The following CREB3L2 variants were observed in gnomAD, a reference collection of about 807,000 sequenced individuals.
CREB3L2 encodes the protein cyclic AMP-responsive element-binding protein 3-like protein 2.
Under a neutral mutation model 57.2 loss-of-function variants are expected in CREB3L2, and 23 were observed. That is an observed-to-expected ratio of 0.40 (90% CI 0.29 to 0.57). The LOEUF (loss-of-function observed/expected upper bound fraction) is 0.57, where lower values mean the gene tolerates loss of function less well. Among genes scored for constraint, CREB3L2 ranks in the 20% least tolerant of loss-of-function variants. The probability of loss-of-function intolerance (pLI) is 0.42; values close to 1 mark genes in which losing one functional copy is unlikely to be tolerated. For synonymous variants in CREB3L2, 268 were observed against 265.1 expected (o/e 1.01, Z -0.11); for missense variants, 628 against 634.7 (o/e 0.99, Z 0.11).
chr7:137,910,716 C>T (rs1383319269), intron 4 of CREB3L2, among the ~76,000 whole-genome samples: 1 of 152,080 alleles, frequency 6.6e-6, no homozygotes, highest in African/African-American at 2.4e-5. Context: ...TTCTCCCGTC[C>T]AAGCAGAGGG....
chr7:137,892,426 G>A (rs766627131), intron 8 of CREB3L2, among the ~76,000 whole-genome samples: 5 of 151,740 alleles, frequency 3.3e-5, no homozygotes, highest in Admixed American at 1.3e-4. Context: ...TGAGGTGAGC[G>A]GATCACTTGA....
In CREB3L2 at chr7:138,001,683, T is replaced by C. The variant is rs780446619; in HGVS notation, c.23A>G (p.Glu8Gly). 3.1e-5 allele frequency: 50 copies of C among 1,611,796 alleles called. 1 individual carries two copies. In the South Asian group the frequency reaches 4.3e-4, roughly 14 times the overall value. ...GCGGTCCCACTGCAGCACGCCCTGC[T>C]CCCCGCTCTCCAGCACCTCCATGGC... MEVLESG[E>G]QGVLQWDRKL... The change falls in exon 1 of 12, where the codon GAG becomes GGG. Residue 8 changes from glutamate (E) to glycine (G), a missense_variant. Glu to Gly is a moderately conservative substitution (Grantham distance 98). Transcript: ENST00000330387. The surrounding 1 kb of genome is among the most constrained non-coding windows in gnomAD (Gnocchi z 4.2).
chr7:137,911,943 T>TA (rs1350650556), intron 4 of CREB3L2, among the ~76,000 whole-genome samples: 1 of 152,180 alleles, frequency 6.6e-6, no homozygotes, highest in African/African-American at 2.4e-5. Flanking sequence ...AGAATCTGCA[T>TA]ACGCAAGGCA....
intron 1 of CREB3L2, among the ~76,000 whole-genome samples, chr7:137,974,323 T>C (rs546136308): frequency 6.6e-6 from 1 of 151,216 alleles, no homozygotes; most frequent in Non-Finnish European, 1.5e-5. Flanking sequence ...GCAGGAAGAG[T>C]TTCCTTAAGG....
chr7:137,882,673 G>T, intron 10 of CREB3L2, 45 bp from the exon 11 acceptor site: 2 of 1,377,924 alleles, frequency 1.5e-6, no homozygotes, highest in South Asian at 1.4e-5. Flanking sequence ...AAGACCACAG[G>T]GGTCCAACAC....
intron 1 of CREB3L2, among the ~76,000 whole-genome samples, chr7:137,968,316 T>C (rs143571148): frequency 6.6e-6 from 1 of 152,084 alleles, no homozygotes; most frequent in East Asian, 1.9e-4. Context: ...ACCCATTAAG[T>C]TGTCATTTAC....
At chr7:137,909,290 G>A (rs890304381) in intron 4 of CREB3L2, among the ~76,000 whole-genome samples, 58 of 152,288 alleles carry the variant, frequency 3.8e-4, no homozygotes, top group African/African-American at 1.2e-3. Context: ...AGTCTCCCGC[G>A]TCTTTCCTCA....
At position 137,882,509 on chromosome 7, in the gene CREB3L2, C is replaced by G; in HGVS notation, c.1390G>C (p.Gly464Arg). 1.9e-6 allele frequency: 3 copies of G among 1,614,100 alleles called. No individual in the cohort carries two copies. The highest frequency in any genetic ancestry group is 2.5e-6 in the Non-Finnish European group (3 of 1,179,968). ...DRGSSLLRVS[G>R]LESRPDVDLP... The stretch of plus-strand genomic sequence containing the variant: ...TCCACATCCGGCCTGGACTCCAGCC[C>G]TGACACCCTGAGCAGGGAGGAACCT... The change falls in exon 11 of 12, where the codon GGG (glycine) becomes CGG (arginine). Residue 464 changes from glycine to arginine, a missense_variant. Physicochemically the swap from Gly to Arg is moderately radical, Grantham distance 125. Coordinates refer to ENST00000330387, the MANE Select transcript of CREB3L2 (RefSeq NM_194071.4).
chr7:137,882,394 T>C lies in CREB3L2; in HGVS notation c.1487+18A>G. On this transcript the variant is annotated intron_variant, in intron 11 of 11. Transcript: ENST00000330387. ...ATCAGTGCACTAGAGGAGTTGGCTC[T>C]GTGTCTCTATGACTCACAGGTGCTG... The C allele has an allele frequency of 6.3e-7, 1 of 1,597,780 alleles. No homozygotes were observed. The highest frequency in any genetic ancestry group is 8.6e-7 in the Non-Finnish European group (1 of 1,167,566).
chr7:137,972,702 A>AACAAC lies in CREB3L2; in HGVS notation c.102+28901_102+28902insGTTGT, dbSNP rs1585668553. Among the ~76,000 whole-genome samples, 91 of 40,980 alleles carry AACAAC rather than the reference A, an allele frequency of 2.2e-3. 1 individual carries two copies. Among genetic ancestry groups the AACAAC allele is most frequent in the African/African-American group, 0.01 (64 of 6,324 alleles). 26.9% of individuals were successfully genotyped at this position (40,980 alleles called of 152,430 possible). ...GTCTCTACAAAAAAAAAAAAAAAAA[A>AACAAC]AAAAAAAAAAATATATATATATATA... is the stretch of plus-strand genomic sequence containing the variant. On this transcript the variant is annotated intron_variant, in intron 1 of 11. Transcript: ENST00000330387.
At chr7:137,903,887 C>T (rs1465549908) in intron 7 of CREB3L2, 72 bp downstream of exon 7, 1 of 1,307,180 alleles carries the variant, frequency 7.7e-7, no homozygotes, top group African/African-American at 1.5e-5. Flanking sequence ...CTGCTTCTCC[C>T]CGATTCTCCG....
At chr7:137,882,706 G>A (rs1799323695) in intron 10 of CREB3L2, 78 bp from the exon 11 acceptor site, 1 of 998,294 alleles carries the variant, frequency 1.0e-6, no homozygotes, top group Non-Finnish European at 1.4e-6. Context: ...CAGGTGCTCA[G>A]GGCTGGTGGC....
At chr7:137,919,511 T>C (rs1800223856) in intron 2 of CREB3L2, among the ~76,000 whole-genome samples, 1 of 152,104 alleles carries the variant, frequency 6.6e-6, no homozygotes, top group East Asian at 1.9e-4. Context: ...TGGGCCTAGG[T>C]CACATGGCAA....
intron 8 of CREB3L2, 74 bp downstream of exon 8, chr7:137,901,280 G>A: frequency 1.0e-6 from 1 of 1,002,736 alleles, no homozygotes; most frequent in East Asian, 2.4e-5. Flanking sequence ...GCCATCCCTG[G>A]TTCTGGATTC....
rs756198124 is a variant in CREB3L2, at chr7:137,882,546, C to A, written c.1353G>T (p.Gly451=). Residue 451 remains glycine (G), a synonymous_variant, in exon 11 of 12, where the codon GGG becomes GGT. Transcript: ENST00000330387. The part of the protein sequence containing the change: ...SSSPGSAGEL[G]GWDRGSSLLR... ...GCAGGGAGGAACCTCTATCCCAGCC[C>A]CCCAGCTCCCCAGCCGAGCCCGGGC... 7 of 1,613,682 alleles carry A rather than the reference C, an allele frequency of 4.3e-6. No individual in the cohort carries two copies. Among genetic ancestry groups the A allele is most frequent in the Non-Finnish European group, 5.1e-6 (6 of 1,179,736 alleles).
chr7:137,885,914 G>A (rs1302837479), intron 8 of CREB3L2, among the ~76,000 whole-genome samples: 1 of 152,218 alleles, frequency 6.6e-6, no homozygotes, highest in East Asian at 1.9e-4. Context: ...GTATTAGGAT[G>A]CAGCACCTTT....
intron 1 of CREB3L2, among the ~76,000 whole-genome samples, chr7:137,945,568 C>T (rs1371450319): frequency 3.3e-5 from 5 of 152,178 alleles, no homozygotes; most frequent in African/African-American, 1.2e-4. Context: ...GCCTAAAAGA[C>T]AGACTTTTCT....
intron 8 of CREB3L2, among the ~76,000 whole-genome samples, chr7:137,898,431 T>C (rs1799671074): frequency 6.6e-6 from 1 of 152,186 alleles, no homozygotes; most frequent in Non-Finnish European, 1.5e-5. Flanking sequence ...GACAATGAAA[T>C]CAGCATCTCA....
At chr7:137,948,775 T>C (rs1250496832) in intron 1 of CREB3L2, among the ~76,000 whole-genome samples, 1 of 152,194 alleles carries the variant, frequency 6.6e-6, no homozygotes, top group African/African-American at 2.4e-5. Flanking sequence ...AGTTATCTGT[T>C]ATAGACTGCA....
Sources: allele counts gnomAD v4.1 joint callset (sites outside exome capture counted in the v4.1 genomes callset), GRCh38; gene constraint gnomAD v4.1.1; non-coding constraint Gnocchi (gnomAD v3.1); transcripts MANE v1.5; gene names NCBI Gene and HGNC (gene_info 2026-07-23, HGNC 2026-07-21).